MYO1H: variants seen among roughly 807,000 people sequenced by gnomAD.
MYO1H encodes the protein unconventional myosin-Ih.
MYO1H carries 118 observed loss-of-function variants against 149.3 expected under a neutral mutation model. The observed-to-expected ratio is 0.79, with a 90% CI of 0.68 to 0.92. The LOEUF is 0.92. Ranked by LOEUF, MYO1H falls within the 40% of genes least tolerant of loss-of-function variation. MYO1H has a pLI of 0.00. For synonymous variants in MYO1H, 447 were observed against 465.2 expected (o/e 0.96, Z 0.50); for missense variants, 1,212 against 1,280.7 (o/e 0.95, Z 0.82).
exon 9 of MYO1H, chr12:109,406,829 C>T (rs1684189566): frequency 6.2e-7 from 1 of 1,613,976 alleles, no homozygotes; most frequent in Non-Finnish European, 8.5e-7. Flanking sequence ...GAAGCTCTCA[C>T]CCACAGAAAA....
chr12:109,343,075 A>C (rs1036331583), upstream of MYO1H, among the ~76,000 whole-genome samples: 33 of 152,152 alleles, frequency 2.2e-4, no homozygotes, highest in African/African-American at 7.9e-4. Context: ...TAATAACATA[A>C]GCAAAAATTA....
At chr12:109,441,884 T>G (rs1408133444) in intron 26 of MYO1H, among the ~76,000 whole-genome samples, 176 bp downstream of exon 26, 1 of 151,782 alleles carries the variant, frequency 6.6e-6, no homozygotes, top group Non-Finnish European at 1.5e-5. Context: ...CCATCTCAAC[T>G]AAAATACAAA....
the MYO1H span, among the ~76,000 whole-genome samples, chr12:109,312,604 T>C: frequency 2.0e-5 from 3 of 152,180 alleles, no homozygotes; most frequent in Non-Finnish European, 4.4e-5. Flanking sequence ...TGGCTTTTGC[T>C]TTGCTTATTG....
At chr12:109,446,724 A>T (rs1196257303) in intron 31 of MYO1H, among the ~76,000 whole-genome samples, 4 of 152,232 alleles carry the variant, frequency 2.6e-5, no homozygotes, top group Non-Finnish European at 5.9e-5. Context: ...AGATCGCACC[A>T]CTACACTCCA....
At chr12:109,447,169 G>A (rs773984896) in exon 32 of MYO1H, 27 of 1,599,166 alleles carry the variant, frequency 1.7e-5, no homozygotes, top group South Asian at 1.1e-4. Context: ...GTGTCAGTCC[G>A]GAGGAAGTCC....
At chr12:109,323,909 G>A in the MYO1H span, among the ~76,000 whole-genome samples, 2 of 152,034 alleles carry the variant, frequency 1.3e-5, no homozygotes, top group Non-Finnish European at 2.9e-5. Flanking sequence ...GTCAGATGTG[G>A]TGGCTAATGC....
intron 9 of MYO1H, 99 bp downstream of exon 9, chr12:109,406,959 G>A: frequency 9.4e-7 from 1 of 1,062,580 alleles, no homozygotes; most frequent in Non-Finnish European, 1.4e-6. Flanking sequence ...CCAAACCTTT[G>A]ATCCTAGCTC....
At chr12:109,369,695 G>A (rs1868942129) in intron 1 of MYO1H, among the ~76,000 whole-genome samples, 1 of 152,194 alleles carries the variant, frequency 6.6e-6, no homozygotes, top group Admixed American at 6.5e-5. Context: ...ATTGCAAATT[G>A]ATGTCTTTGC....
chr12:109,315,492 C>T, the MYO1H span, among the ~76,000 whole-genome samples: 5 of 152,340 alleles, frequency 3.3e-5, 1 homozygote, highest in Non-Finnish European at 7.4e-5. Flanking sequence ...AGGCCACATT[C>T]AGCCACAGAC....
intron 3 of MYO1H, among the ~76,000 whole-genome samples, chr12:109,395,713 C>T (rs1450916762): frequency 6.8e-6 from 1 of 147,548 alleles, no homozygotes; most frequent in African/African-American, 2.5e-5. Flanking sequence ...CTGGCCTGGG[C>T]GACAGAGCGA....
chr12:109,423,992 G>A (rs763204232), intron 16 of MYO1H, among the ~76,000 whole-genome samples: 2 of 152,210 alleles, frequency 1.3e-5, no homozygotes, highest in Non-Finnish European at 2.9e-5. Context: ...TCTCTCGCCC[G>A]AGAGTCAACT....
chr12:109,443,125 C>CGTATATGTGTGTATATGTGTAT lies in MYO1H; in HGVS notation c.2689-383_2689-382insGTGTGTATATGTGTATGTATAT, dbSNP rs1872268414. On this transcript the variant is annotated intron_variant, in intron 27 of 31. Transcript: ENST00000310903. Reference sequence around the variant, plus strand: ...GTACGTATATGTGTGTATATGTGTACGTATATATGTGTGTATATGTGTACG... The same window carrying CGTATATGTGTGTATATGTGTAT: ...GTACGTATATGTGTGTATATGTGTACGTATATGTGTGTATATGTGTATGTATATATGTGTGTATATGTGTACG... Among the ~76,000 whole-genome samples, 22 of 37,596 alleles carry CGTATATGTGTGTATATGTGTAT rather than the reference C, an allele frequency of 5.9e-4. 5 individuals carry two copies. The highest frequency in any genetic ancestry group is 9.0e-4 in the Non-Finnish European group (18 of 19,936). 24.7% of individuals were successfully genotyped at this position (37,596 alleles called of 152,430 possible). A position where few individuals can be genotyped will look rare whatever the true frequency, so the allele number is the denominator to read the frequency against.
the MYO1H span, among the ~76,000 whole-genome samples, chr12:109,312,374 A>G: frequency 6.8e-6 from 1 of 146,562 alleles, no homozygotes; most frequent in Non-Finnish European, 1.5e-5. Flanking sequence ...CACCACGCCC[A>G]GCTAATTTTT....
chr12:109,422,747 A>G (rs893461538), intron 16 of MYO1H, among the ~76,000 whole-genome samples: 4 of 152,130 alleles, frequency 2.6e-5, no homozygotes, highest in Admixed American at 2.6e-4. Context: ...TTAGAACTGC[A>G]ATGGATTAAA....
chr12:109,404,407 G>C (rs1045550110), intron 7 of MYO1H, among the ~76,000 whole-genome samples: 1 of 152,154 alleles, frequency 6.6e-6, no homozygotes, highest in Non-Finnish European at 1.5e-5. Flanking sequence ...GCTTGAATCC[G>C]GGAGATGGAG....
chr12:109,325,952 C>A, the MYO1H span, among the ~76,000 whole-genome samples: 53 of 152,316 alleles, frequency 3.5e-4, no homozygotes, highest in Non-Finnish European at 6.9e-4. Flanking sequence ...GAAATAGGAA[C>A]GCTTTTACAC....
intron 1 of MYO1H, among the ~76,000 whole-genome samples, chr12:109,377,308 C>T (rs1869105184): frequency 6.6e-6 from 1 of 152,108 alleles, no homozygotes; most frequent in African/African-American, 2.4e-5. Context: ...TTGAGGGCCT[C>T]ATAGTGGAAG....
chr12:109,431,706 G>A (rs1434631207), intron 19 of MYO1H, among the ~76,000 whole-genome samples: 2 of 152,140 alleles, frequency 1.3e-5, no homozygotes, highest in South Asian at 2.1e-4. Flanking sequence ...CAGACATCAC[G>A]GTTCTCTTTC....
At chr12:109,361,183 T>C (rs1015648497) in intron 1 of MYO1H, among the ~76,000 whole-genome samples, 16 of 152,216 alleles carry the variant, frequency 1.1e-4, no homozygotes. Flanking sequence ...CTTATTATTG[T>C]AGGACATAAC....
Sources: allele counts gnomAD v4.1 joint callset (sites outside exome capture counted in the v4.1 genomes callset), GRCh38; gene constraint gnomAD v4.1.1; transcripts MANE v1.5; gene names NCBI Gene and HGNC (gene_info 2026-07-23, HGNC 2026-07-21).